RANBP2: variants seen among roughly 807,000 people sequenced by gnomAD.
RANBP2 encodes the protein RAN binding protein 2.
RANBP2 carries 57 observed loss-of-function variants against 303.6 expected under a neutral mutation model. That is an observed-to-expected ratio of 0.19 (90% CI 0.15 to 0.23). The LOEUF (loss-of-function observed/expected upper bound fraction) is 0.23, where lower values mean the gene tolerates loss of function less well. RANBP2 is among the 10% of genes least tolerant of loss of function. The pLI is 1.00. For missense variants in RANBP2, 3,138 were observed against 3,780.8 expected (o/e 0.83, Z 4.46); for synonymous variants, 1,167 against 1,301.5 (o/e 0.90, Z 2.23).
At position 108,772,952 on chromosome 2, in the gene RANBP2, C is replaced by T. The variant is rs1000505878; in HGVS notation, c.8198C>T (p.Pro2733Leu). Residue 2733 changes from proline (P) to leucine (L), a missense_variant, in exon 23 of 29, where the codon CCT becomes CTT. Around this residue, in one of 20 missense-constraint regions of RANBP2, gnomAD observed 497 missense variants for 465.8 expected, o/e 1.07. Coordinates refer to ENST00000283195, the MANE Select transcript of RANBP2 (RefSeq NM_006267.5). ...KAKADTLKLP[P>L]TFFCGVCSDT... Reference sequence around the variant, plus strand: ...AAAGCAGATACGTTAAAACTTCCACCTACATTTTTTTGTGGAGTCTGTAGT... The same window carrying T: ...AAAGCAGATACGTTAAAACTTCCACTTACATTTTTTTGTGGAGTCTGTAGT... The T allele has an allele frequency of 6.2e-6, 10 of 1,613,752 alleles. No homozygotes were observed. The highest frequency in any genetic ancestry group is 8.5e-6 in the Non-Finnish European group (10 of 1,179,930).
intron 24 of RANBP2, among the ~76,000 whole-genome samples, chr2:108,776,285 A>G (rs1649329): frequency 0.26 from 39,237 of 152,068 alleles, 5,415 homozygotes; most frequent in African/African-American, 0.35. Flanking sequence ...AGCATATTCA[A>G]AGTGTTTTAA....
chr2:109,532,810 T>C, the RANBP2 span, among the ~76,000 whole-genome samples: 1 of 152,154 alleles, frequency 6.6e-6, no homozygotes, highest in Non-Finnish European at 1.5e-5. Flanking sequence ...AGAATTGCTG[T>C]CATTCTGCCC....
At chr2:109,430,247 CTG>C in the RANBP2 span, among the ~76,000 whole-genome samples, 4 of 152,260 alleles carry the variant, frequency 2.6e-5, no homozygotes, top group Non-Finnish European at 5.9e-5. Context: ...CTGAAGCAAA[CTG>C]TTTTGACACC....
the RANBP2 span, among the ~76,000 whole-genome samples, chr2:109,041,728 A>C: frequency 2.3e-5 from 3 of 130,030 alleles, no homozygotes; most frequent in Non-Finnish European, 4.7e-5. Flanking sequence ...TTTACTAGAG[A>C]CAGGGTTTCA....
At chr2:108,885,939 C>G in the RANBP2 span, among the ~76,000 whole-genome samples, 2 of 152,296 alleles carry the variant, frequency 1.3e-5, no homozygotes, top group South Asian at 4.1e-4. Context: ...AATGACATGA[C>G]TTCATTCTTT....
chr2:109,002,506 G>A, the RANBP2 span, among the ~76,000 whole-genome samples: 1 of 152,006 alleles, frequency 6.6e-6, no homozygotes, highest in African/African-American at 2.4e-5. Flanking sequence ...TTTAAGACTT[G>A]GCTCCCCACT....
chr2:109,652,191 G>A, the RANBP2 span, among the ~76,000 whole-genome samples: 6 of 151,822 alleles, frequency 4.0e-5, no homozygotes, highest in South Asian at 2.1e-4. Flanking sequence ...CTTCTGCTGC[G>A]CCACTATCCA....
chr2:109,524,467 CAA>C, the RANBP2 span, among the ~76,000 whole-genome samples: 38,826 of 105,578 alleles, frequency 0.37, 7,966 homozygotes, highest in Non-Finnish European at 0.42. Flanking sequence ...AAAAAAAAAA[CAA>C]AACAACACTG....
In RANBP2 at chr2:108,766,671, A is replaced by T. The variant is rs1466381436; in HGVS notation, c.6132A>T (p.Arg2044Ser). The T allele has an allele frequency of 1.2e-6, 2 of 1,612,010 alleles. No homozygotes were observed. Among genetic ancestry groups the T allele is most frequent in the Non-Finnish European group, 1.7e-6 (2 of 1,179,854 alleles). The change falls in exon 20 of 29, where the codon AGA (arginine) becomes AGT (serine). Residue 2044 changes from arginine (R) to serine (S), a missense_variant. Coordinates refer to ENST00000283195, the MANE Select transcript of RANBP2 (RefSeq NM_006267.5). Reference sequence around the variant, plus strand: ...ATTCACAGCGGGTAAAACTATTTAGATTTGATGCTGAGGTAAGTCAGTGGA... The same window carrying T: ...ATTCACAGCGGGTAAAACTATTTAGTTTTGATGCTGAGGTAAGTCAGTGGA... ...VLYSQRVKLF[R>S]FDAEVSQWKE...
the RANBP2 span, among the ~76,000 whole-genome samples, chr2:108,890,701 T>C: frequency 6.6e-6 from 1 of 152,224 alleles, no homozygotes; most frequent in Non-Finnish European, 1.5e-5. Flanking sequence ...TGTATTTGAA[T>C]GTCTAAATCT....
At chr2:109,616,095 GTTTA>G in the RANBP2 span, 1 of 1,474,770 alleles carries the variant, frequency 6.8e-7, no homozygotes, top group African/African-American at 1.4e-5. Flanking sequence ...AAATGCAAAG[GTTTA>G]TTTGTCTTAA....
intron 1 of RANBP2, among the ~76,000 whole-genome samples, chr2:108,725,180 A>G (rs1466740148): frequency 1.3e-5 from 2 of 152,152 alleles, no homozygotes; most frequent in Admixed American, 1.3e-4. Flanking sequence ...ATCTGCTGTC[A>G]TGTAAAGAAG....
chr2:109,374,009 C>T, the RANBP2 span, among the ~76,000 whole-genome samples: 3 of 152,158 alleles, frequency 2.0e-5, no homozygotes, highest in African/African-American at 7.2e-5. Flanking sequence ...GAGTCAGCCG[C>T]ATCTGTGCCT....
chr2:108,794,449 A>T, the RANBP2 span: 1 of 1,133,434 alleles, frequency 8.8e-7, no homozygotes, highest in Non-Finnish European at 1.2e-6. Context: ...TATATTTTGT[A>T]CTTAAAGCAT....
At chr2:108,902,486 C>T in the RANBP2 span, among the ~76,000 whole-genome samples, 3 of 152,290 alleles carry the variant, frequency 2.0e-5, no homozygotes, top group East Asian at 3.9e-4. Flanking sequence ...CAATTCTACA[C>T]GATCTTTTCT....
the RANBP2 span, among the ~76,000 whole-genome samples, chr2:109,500,188 C>T: frequency 2.2e-3 from 339 of 152,244 alleles, 2 homozygotes; most frequent in African/African-American, 7.8e-3. Flanking sequence ...CCACCTTGAG[C>T]TGTTAGAAGC....
At chr2:109,069,754 A>G in the RANBP2 span, among the ~76,000 whole-genome samples, 22,018 of 152,128 alleles carry the variant, frequency 0.14, 1,642 homozygotes, top group Non-Finnish European at 0.16. Flanking sequence ...TCTTTCATGG[A>G]GTCATTACTC....
the RANBP2 span, among the ~76,000 whole-genome samples, chr2:109,078,741 G>T: frequency 6.6e-6 from 1 of 150,516 alleles, no homozygotes; most frequent in Non-Finnish European, 1.5e-5. Flanking sequence ...CCAGCACTTT[G>T]GGAGGCCAAG....
the RANBP2 span, among the ~76,000 whole-genome samples, chr2:109,019,827 C>T: frequency 6.6e-6 from 1 of 152,102 alleles, no homozygotes; most frequent in Admixed American, 6.6e-5. Flanking sequence ...AAGGATTTGC[C>T]CACTCTGGGG....
Sources: allele counts gnomAD v4.1 joint callset (sites outside exome capture counted in the v4.1 genomes callset), GRCh38; gene constraint gnomAD v4.1.1; regional missense constraint gnomAD v4.1.1; transcripts MANE v1.5; gene names NCBI Gene and HGNC (gene_info 2026-07-23, HGNC 2026-07-21).